USP39: variants seen among roughly 807,000 people sequenced by gnomAD.
The protein encoded by USP39 is ubiquitin specific peptidase 39, also known as ubiquitin carboxyl-terminal hydrolase 39.
Under a neutral mutation model 66.4 loss-of-function variants are expected in USP39, and 38 were observed. The ratio of observed to expected loss-of-function variants is 0.57; its 90% CI spans 0.44 to 0.75. The LOEUF (loss-of-function observed/expected upper bound fraction) is 0.75, where lower values mean the gene tolerates loss of function less well. Among genes scored for constraint, USP39 ranks in the 30% least tolerant of loss-of-function variants. USP39 has a pLI of 0.00. For missense variants in USP39, 608 were observed against 714.4 expected (o/e 0.85, Z 1.70); for synonymous variants, 303 against 274.6 (o/e 1.10, Z -1.02).
intron 5 of USP39, among the ~76,000 whole-genome samples, chr2:85,628,529 G>T (rs758141681): frequency 9.2e-5 from 14 of 152,098 alleles, no homozygotes; most frequent in Non-Finnish European, 1.9e-4. Flanking sequence ...ATTTTAGATC[G>T]CATAGGAAGT....
intron 4 of USP39, among the ~76,000 whole-genome samples, chr2:85,624,962 TA>T (rs11370666): frequency 0.075 from 10,334 of 137,228 alleles, 1,152 homozygotes; most frequent in African/African-American, 0.25. Flanking sequence ...AAACTCCATC[TA>T]AAAAAAAAAA....
chr2:85,632,649 C>T (rs951717020), intron 6 of USP39, among the ~76,000 whole-genome samples: 1 of 151,964 alleles, frequency 6.6e-6, no homozygotes, highest in African/African-American at 2.4e-5. Flanking sequence ...AGGGTTTCAT[C>T]GTGTTAGCCA....
chr2:85,605,474 A>T lies in USP39; in HGVS notation n.226+2393A>T, dbSNP rs1573368359. ...AAGCCCTTTACTCAGAAGGTCTTCAATTCTAGCATTACTCCAACTCCTAGG... is the reference window on the plus strand; with the variant it reads ...AAGCCCTTTACTCAGAAGGTCTTCATTTCTAGCATTACTCCAACTCCTAGG... On this transcript the variant is annotated intron_variant and non_coding_transcript_variant, in intron 1 of 12. Transcript: ENST00000459775. 2.0e-5 allele frequency among the ~76,000 whole-genome samples: 3 copies of T among 152,212 alleles called. No individual in the cohort carries two copies. In the East Asian group the frequency reaches 5.8e-4, roughly 29 times the overall value.
At chr2:85,624,944 CAA>C (rs1397886085) in intron 4 of USP39, among the ~76,000 whole-genome samples, 3 of 135,720 alleles carry the variant, frequency 2.2e-5, no homozygotes, top group African/African-American at 5.8e-5. Context: ...GTCTAGGCAA[CAA>C]GAGCAAAACT....
At chr2:85,618,747 C>T (rs1033817088) in intron 1 of USP39, among the ~76,000 whole-genome samples, 1 of 151,644 alleles carries the variant, frequency 6.6e-6, no homozygotes, top group Non-Finnish European at 1.5e-5. Context: ...CAGTTTGTGG[C>T]TTGTTCTATT....
chr2:85,607,929 A>G (rs1334712876), upstream of USP39: 1 of 152,234 alleles, frequency 6.6e-6, no homozygotes, highest in African/African-American at 2.4e-5. Context: ...TCTGAGTTAC[A>G]TACTCCTGGG....
In USP39 at chr2:85,616,399, G is replaced by A. The variant is rs2104204132; in HGVS notation, c.204G>A (p.Pro68=). 1 of 1,603,222 alleles carries A rather than the reference G, an allele frequency of 6.2e-7. No homozygotes were observed. Among genetic ancestry groups the A allele is most frequent in the Non-Finnish European group, 8.5e-7 (1 of 1,174,872 alleles). Reference sequence around the variant, plus strand: ...GCGAGGCCCCGGCTTCTGTTGTCCCGTTTGTGCGGGTGAAGCGGGAGCGCG... The same window carrying A: ...GCGAGGCCCCGGCTTCTGTTGTCCCATTTGTGCGGGTGAAGCGGGAGCGCG... ...SAREAPASVV[P]FVRVKREREV... Residue 68 remains proline (P), a synonymous_variant, in exon 1 of 13, where the codon CCG becomes CCA. Coordinates refer to ENST00000323701, the MANE Select transcript of USP39 (RefSeq NM_006590.4).
intron 2 of USP39, 63 bp downstream of exon 2, chr2:85,619,352 G>A: frequency 6.4e-7 from 1 of 1,553,316 alleles, no homozygotes; most frequent in East Asian, 2.3e-5. Context: ...GAAAGTTTTT[G>A]GACTGTACAG....
At chr2:85,612,662 C>CTT (rs11458377), upstream of USP39, among the ~76,000 whole-genome samples, 1 of 149,546 alleles carries the variant, frequency 6.7e-6, no homozygotes. Context: ...TTTATTTTTC[C>CTT]TTTTTTTTTT....
rs912558477 is a variant in USP39, at chr2:85,645,062, C to T, written c.1542C>T (p.Tyr514=). ...VHDGKPSEGS[Y]RIHVLHHGTG... ...ACGGCAAGCCCTCCGAGGGCTCCTA[C>T]CGGATCCACGTGCTTCATCATGTGA... Residue 514 remains tyrosine, a synonymous_variant, in exon 11 of 13, where the codon TAC becomes TAT. Transcript: ENST00000323701. 2 of 1,614,138 alleles carry T rather than the reference C, an allele frequency of 1.2e-6. No individual in the cohort carries two copies. The highest frequency in any genetic ancestry group is 3.3e-5 in the Admixed American group (2 of 60,020).
intron 1 of USP39, among the ~76,000 whole-genome samples, chr2:85,617,962 T>TA (rs918049730): frequency 3.3e-5 from 5 of 151,266 alleles, no homozygotes; most frequent in Admixed American, 2.6e-4. Context: ...TACATTCTTT[T>TA]TTTTTTTTTT....
At chr2:85,631,309 C>T (rs968172297) in intron 6 of USP39, among the ~76,000 whole-genome samples, 3 of 146,504 alleles carry the variant, frequency 2.0e-5, no homozygotes, top group African/African-American at 5.2e-5. Context: ...CCACTGCGCC[C>T]GGCCTTTTTT....
upstream of USP39, chr2:85,608,610 G>T: frequency 5.0e-6 from 1 of 201,850 alleles, no homozygotes; most frequent in Non-Finnish European, 9.8e-6. Context: ...ATATGACCTC[G>T]GTGAGAAAGC....
intron 5 of USP39, among the ~76,000 whole-genome samples, chr2:85,629,941 G>A (rs921221566): frequency 1.9e-4 from 29 of 152,074 alleles, no homozygotes; most frequent in African/African-American, 6.0e-4. Flanking sequence ...CAGCCTGGGG[G>A]ATGGAGCAAG....
intron 7 of USP39, 102 bp downstream of exon 7, chr2:85,636,232 C>T: frequency 9.0e-7 from 1 of 1,108,886 alleles, no homozygotes; most frequent in Non-Finnish European, 1.3e-6. Flanking sequence ...CTTTGAGAGG[C>T]CGAGGTGGGT....
chr2:85,633,686 G>C lies in USP39; in HGVS notation c.950-2367G>C, dbSNP rs1038356333. Among the ~76,000 whole-genome samples, 53 of 152,022 alleles carry C rather than the reference G, an allele frequency of 3.5e-4. 1 individual carries two copies. The highest frequency in any genetic ancestry group is 6.6e-5 in the Admixed American group (1 of 15,260). On this transcript the variant is annotated intron_variant, in intron 6 of 12. Coordinates refer to ENST00000323701, the MANE Select transcript of USP39 (RefSeq NM_006590.4). ...AGAGGCTGAGGTTGGAGGATCGCTTGGGCCTAGGAGGTAGAGGCTTCAGTG... is the reference window on the plus strand; with the variant it reads ...AGAGGCTGAGGTTGGAGGATCGCTTCGGCCTAGGAGGTAGAGGCTTCAGTG...
At chr2:85,642,017 GCTGT>G (rs34684121) in intron 10 of USP39, among the ~76,000 whole-genome samples, 39,406 of 151,660 alleles carry the variant, frequency 0.26, 5,534 homozygotes, top group Middle Eastern at 0.33. Flanking sequence ...TGAGTTTTAG[GCTGT>G]CTTAGTGGTG....
chr2:85,634,005 T>C (rs1429693045), intron 6 of USP39, among the ~76,000 whole-genome samples: 1 of 149,816 alleles, frequency 6.7e-6, no homozygotes, highest in Non-Finnish European at 1.5e-5. Context: ...GCCCGGCTAA[T>C]TTTTTGTATT....
chr2:85,608,975 C>T (rs1673326814), upstream of USP39: 1 of 1,614,126 alleles, frequency 6.2e-7, no homozygotes, highest in Non-Finnish European at 8.5e-7. Flanking sequence ...TTGCAATCTC[C>T]TCCTGGATAC....
Sources: allele counts gnomAD v4.1 joint callset (sites outside exome capture counted in the v4.1 genomes callset), GRCh38; gene constraint gnomAD v4.1.1; transcripts MANE v1.5; gene names NCBI Gene and HGNC (gene_info 2026-07-23, HGNC 2026-07-21).